KLHL18: variants seen among roughly 807,000 people sequenced by gnomAD.
KLHL18 encodes kelch like family member 18, also known as kelch-like protein 18.
Under a neutral mutation model 58.5 loss-of-function variants are expected in KLHL18, and 38 were observed. That is an observed-to-expected ratio of 0.65 (90% CI 0.50 to 0.85). The LOEUF is 0.85. Ranked by LOEUF, KLHL18 falls within the 40% of genes least tolerant of loss-of-function variation. The pLI is 0.00. For synonymous variants in KLHL18, 303 were observed against 301.9 expected (o/e 1.00, Z -0.04); for missense variants, 624 against 778.4 (o/e 0.80, Z 2.36).
chr3:47,284,602 G>T (rs1442034658), intron 1 of KLHL18, among the ~76,000 whole-genome samples: 1 of 152,070 alleles, frequency 6.6e-6, no homozygotes, highest in Non-Finnish European at 1.5e-5. Context: ...CTCCCAAAGT[G>T]CTAGAATTAC....
At chr3:47,324,294 C>CTTTTTTTTTTTTTT (rs1559498832) in intron 3 of KLHL18, among the ~76,000 whole-genome samples, 12 of 10,600 alleles carry the variant, frequency 1.1e-3, no homozygotes, top group African/African-American at 1.7e-3. Context: ...CTTTTTCTTT[C>CTTTTTTTTTTTTTT]TTTCTTTTTT....
intron 1 of KLHL18, among the ~76,000 whole-genome samples, chr3:47,293,292 T>A (rs1189860715): frequency 2.0e-5 from 3 of 152,180 alleles, no homozygotes; most frequent in African/African-American, 7.2e-5. Flanking sequence ...TTATATTTAA[T>A]CCAATTTTCA....
intron 1 of KLHL18, among the ~76,000 whole-genome samples, chr3:47,314,985 T>C (rs2107618557): frequency 6.6e-6 from 1 of 152,306 alleles, no homozygotes; most frequent in African/African-American, 2.4e-5. Flanking sequence ...TTCTTTTGTC[T>C]TCTGTTTATT....
At chr3:47,323,239 C>T (rs543145204) in intron 3 of KLHL18, among the ~76,000 whole-genome samples, 18 of 152,236 alleles carry the variant, frequency 1.2e-4, no homozygotes, top group African/African-American at 4.3e-4. Context: ...CAGGCACGTG[C>T]CACCACACCT....
rs1024619735 is a variant in KLHL18 at position 47,343,623 on chromosome 3, G to T, written c.1407G>T (p.Arg469=). ...CTGGCATGCTCAACAAGCGCTGCCG[G>T]CACGGAGCCGCCTCCCTGGGGAGCA... ...PAAGMLNKRC[R]HGAASLGSKM... Residue 469 remains arginine, a synonymous_variant, in exon 10 of 10, where the codon CGG becomes CGT. Transcript: ENST00000232766. 1.9e-6 allele frequency: 3 copies of T among 1,614,130 alleles called. No individual in the cohort carries two copies. Among genetic ancestry groups the T allele is most frequent in the African/African-American group, 1.3e-5 (1 of 75,060 alleles).
In KLHL18 at chr3:47,346,411, C is replaced by T. The variant is rs1281775757; in HGVS notation, c.*2470C>T. The stretch of plus-strand genomic sequence containing the variant: ...GGTTCCTCAGTCCGATGGTGAATGG[C>T]TATTCGTAAATGGCTGGTCTGGCTC... On this transcript the variant is annotated 3_prime_UTR_variant, in exon 10 of 10. Coordinates refer to ENST00000232766, the MANE Select transcript of KLHL18 (RefSeq NM_025010.5). The T allele has an allele frequency of 6.5e-6, 1 of 152,704 alleles. No individual in the cohort carries two copies. The highest frequency in any genetic ancestry group is 1.9e-4 in the East Asian group (1 of 5,206). The allele number at this position is 152,704 out of a possible 1,614,324, so 9.5% of individuals were successfully genotyped here.
At chr3:47,290,173 G>T (rs1702761524) in intron 1 of KLHL18, among the ~76,000 whole-genome samples, 1 of 152,120 alleles carries the variant, frequency 6.6e-6, no homozygotes, top group Non-Finnish European at 1.5e-5. Flanking sequence ...TTATTCACCT[G>T]CCCTGCTGAT....
intron 1 of KLHL18, among the ~76,000 whole-genome samples, chr3:47,307,936 A>G (rs898940341): frequency 5.3e-5 from 8 of 151,964 alleles, no homozygotes; most frequent in African/African-American, 1.5e-4. Context: ...CCTAATTTCT[A>G]TTGCTTTATA....
chr3:47,312,080 G>A (rs373839578), intron 1 of KLHL18, among the ~76,000 whole-genome samples: 158 of 152,232 alleles, frequency 1.0e-3, no homozygotes, highest in African/African-American at 3.0e-3. Flanking sequence ...ACATATCTAG[G>A]AAGTCCCATG....
chr3:47,337,896 A>G (rs944437573), intron 7 of KLHL18: 2 of 152,244 alleles, frequency 1.3e-5, no homozygotes, highest in African/African-American at 4.8e-5. Flanking sequence ...GACTGCAGTC[A>G]GCTGTCCTTC....
chr3:47,328,065 A>G (rs1020889320), intron 3 of KLHL18, among the ~76,000 whole-genome samples: 6 of 152,160 alleles, frequency 3.9e-5, no homozygotes, highest in South Asian at 2.1e-4. Context: ...CTTAGATGCA[A>G]CAGTAGTAAG....
chr3:47,325,544 C>G (rs1194991856), intron 3 of KLHL18, among the ~76,000 whole-genome samples: 2 of 152,136 alleles, frequency 1.3e-5, no homozygotes, highest in African/African-American at 4.8e-5. Flanking sequence ...TTGAGGAAAA[C>G]CATTCTGAGC....
chr3:47,342,281 G>T (rs1310680193), intron 8 of KLHL18, among the ~76,000 whole-genome samples: 2 of 152,154 alleles, frequency 1.3e-5, no homozygotes, highest in African/African-American at 4.8e-5. Context: ...GAGGTCAGGG[G>T]TAGGGCACTG....
chr3:47,300,331 A>T (rs1702993692), intron 1 of KLHL18, among the ~76,000 whole-genome samples: 1 of 146,658 alleles, frequency 6.8e-6, no homozygotes, highest in African/African-American at 2.5e-5. Flanking sequence ...ATGTATATGT[A>T]TATACGTGTG....
chr3:47,284,470 G>C (rs750083030), intron 1 of KLHL18, among the ~76,000 whole-genome samples: 1 of 151,504 alleles, frequency 6.6e-6, no homozygotes, highest in South Asian at 2.1e-4. Flanking sequence ...CCAGCAGCTG[G>C]GACTACAGGC....
At chr3:47,332,541 C>A (rs994399664) in intron 4 of KLHL18, among the ~76,000 whole-genome samples, 1 of 146,486 alleles carries the variant, frequency 6.8e-6, no homozygotes, top group Admixed American at 7.0e-5. Flanking sequence ...GAGGAAAAAG[C>A]CTCATTCCAA....
chr3:47,339,072 T>C (rs1465396550), intron 7 of KLHL18, among the ~76,000 whole-genome samples: 1 of 152,160 alleles, frequency 6.6e-6, no homozygotes, highest in South Asian at 2.1e-4. Flanking sequence ...GCTTGTCTCA[T>C]TTAAATCTGA....
At chr3:47,325,667 T>A (rs564971130) in intron 3 of KLHL18, among the ~76,000 whole-genome samples, 35 of 152,326 alleles carry the variant, frequency 2.3e-4, no homozygotes, top group Non-Finnish European at 2.2e-4. Context: ...GCTGCTTTTT[T>A]TCCCCCTGAG....
In KLHL18 at chr3:47,283,516, T is replaced by C. The variant is rs530193512; in HGVS notation, c.129+422T>C. 19 of 185,350 alleles carry C rather than the reference T, an allele frequency of 1.0e-4. No homozygotes were observed. The South Asian group carries it at 2.1e-3, about 21-fold the overall frequency. 11.5% of individuals were successfully genotyped at this position (185,350 alleles called of 1,614,324 possible). A position where few individuals can be genotyped will look rare whatever the true frequency, so the allele number is the denominator to read the frequency against. ...CCTGTCGAACTTGGCTGTGCTGTTC[T>C]AGAAGAGAAGGCTTCTCCTTAGGAA... is the stretch of plus-strand genomic sequence containing the variant. On this transcript the variant is annotated intron_variant, in intron 1 of 9. Coordinates refer to ENST00000232766, the MANE Select transcript of KLHL18 (RefSeq NM_025010.5).
Sources: gnomAD v4.1 joint callset for allele counts (sites outside exome capture counted in the v4.1 genomes callset) on GRCh38, gnomAD v4.1.1 for gene constraint, MANE v1.5 for transcripts, NCBI Gene and HGNC (gene_info 2026-07-23, HGNC 2026-07-21) for gene names.